AOPEP: variants seen among roughly 807,000 people sequenced by gnomAD.
AOPEP encodes aminopeptidase O (putative), also known as aminopeptidase O.
In AOPEP, 77 loss-of-function variants were observed where a neutral mutation model predicts 98.1. That is an observed-to-expected ratio of 0.78 (90% CI 0.65 to 0.95). The LOEUF is 0.95. Ranked by LOEUF, AOPEP falls within the 40% of genes least tolerant of loss-of-function variation. The probability of loss-of-function intolerance (pLI) is 0.00; values close to 1 mark genes in which losing one functional copy is unlikely to be tolerated. For synonymous variants in AOPEP, 346 were observed against 365.3 expected (o/e 0.95, Z 0.60); for missense variants, 1,024 against 1,024.7 (o/e 1.00, Z 0.01).
chr9:94,894,828 G>A (rs2049285879), intron 5 of AOPEP, among the ~76,000 whole-genome samples: 1 of 152,006 alleles, frequency 6.6e-6, no homozygotes, highest in African/African-American at 2.4e-5. Flanking sequence ...CATATCAAAA[G>A]CATGATAAAC....
At chr9:94,916,056 G>A (rs1333782425) in intron 5 of AOPEP, among the ~76,000 whole-genome samples, 1 of 152,212 alleles carries the variant, frequency 6.6e-6, no homozygotes, top group East Asian at 1.9e-4. Flanking sequence ...ACTTGTGCTC[G>A]CTGTGAAAAC....
intron 5 of AOPEP, among the ~76,000 whole-genome samples, chr9:94,901,297 C>T (rs1476615493): frequency 6.6e-6 from 1 of 152,110 alleles, no homozygotes; most frequent in Non-Finnish European, 1.5e-5. Flanking sequence ...ATTGCTTCTT[C>T]CTCTGAGCCC....
intron 1 of AOPEP, among the ~76,000 whole-genome samples, chr9:94,758,959 CAAG>C (rs1837651685): frequency 6.6e-6 from 1 of 151,360 alleles, no homozygotes; most frequent in Non-Finnish European, 1.5e-5. Flanking sequence ...TTGTTTGCCA[CAAG>C]AAGGCTATTA....
At chr9:94,871,410 A>G (rs1317650678) in intron 5 of AOPEP, among the ~76,000 whole-genome samples, 3 of 152,176 alleles carry the variant, frequency 2.0e-5, no homozygotes, top group Non-Finnish European at 2.9e-5. Flanking sequence ...GGCTGATTTT[A>G]ATCTTCTTGG....
At chr9:95,045,045 C>T (rs1407024882) in intron 13 of AOPEP, among the ~76,000 whole-genome samples, 1 of 152,186 alleles carries the variant, frequency 6.6e-6, no homozygotes, top group Non-Finnish European at 1.5e-5. Flanking sequence ...CCAGAAAGGG[C>T]GCGCCAAGGA....
Position 94,932,817 on chromosome 9 carries a change from C to G in AOPEP, c.1661+4286C>G, listed in dbSNP as rs2055580978. 6 of 985,226 alleles carry G rather than the reference C, an allele frequency of 6.1e-6. No homozygotes were observed. In the South Asian group the frequency reaches 2.8e-4, roughly 46 times the overall value. The allele number at this position is 985,226 out of a possible 1,614,324, so 61.0% of individuals were successfully genotyped here. ...TCTTAGATTGACTTTGCTGTGTTTC[C>G]TTTGTATCCGATGTGTCTGAGATTG... On this transcript the variant is annotated intron_variant, in intron 7 of 16. Transcript: ENST00000375315.
the AOPEP span, chr9:95,150,093 G>A: frequency 5.6e-6 from 9 of 1,613,934 alleles, no homozygotes; most frequent in East Asian, 2.0e-4. Context: ...CCATTCTATG[G>A]AAGAAATAAG....
At chr9:94,998,673 G>A (rs767761549) in intron 11 of AOPEP, among the ~76,000 whole-genome samples, 63 of 152,210 alleles carry the variant, frequency 4.1e-4, no homozygotes, top group Admixed American at 5.2e-4. Context: ...ATACCTTGCT[G>A]TATTACTGCG....
intron 13 of AOPEP, among the ~76,000 whole-genome samples, chr9:95,021,019 G>T (rs1228839878): frequency 1.3e-5 from 2 of 151,236 alleles, no homozygotes; most frequent in Non-Finnish European, 2.9e-5. Flanking sequence ...TCACCAGTCT[G>T]TGCTGGTATT....
the AOPEP span, among the ~76,000 whole-genome samples, chr9:95,140,556 C>CT: frequency 6.6e-6 from 1 of 152,266 alleles, no homozygotes; most frequent in East Asian, 1.9e-4. Flanking sequence ...GGAGGCCCAT[C>CT]TGAGAGGTTG....
At chr9:95,123,464 AC>A in the AOPEP span, 2 of 461,388 alleles carry the variant, frequency 4.3e-6, no homozygotes, top group Admixed American at 2.3e-5. Context: ...ACATGGTGAA[AC>A]CCCATCTCTA....
intron 9 of AOPEP, among the ~76,000 whole-genome samples, chr9:94,959,074 C>T (rs564002212): frequency 3.4e-4 from 50 of 147,404 alleles, no homozygotes; most frequent in African/African-American, 1.3e-3. Flanking sequence ...AATGGAGTCT[C>T]GCTCTGTCAC....
In AOPEP at chr9:94,836,934, T is replaced by A. The variant is rs188357892; in HGVS notation, c.1364+35932T>A. On this transcript the variant is annotated intron_variant, in intron 5 of 16. Transcript: ENST00000375315. ...TGCCTATGCTTGTCTAATTATTTTTTAAAAAAATTTTTTATGAATTTTAAA... is the reference window on the plus strand; with the variant it reads ...TGCCTATGCTTGTCTAATTATTTTTAAAAAAAATTTTTTATGAATTTTAAA... Among the ~76,000 whole-genome samples the A allele has an allele frequency of 6.4e-3, 980 of 152,206 alleles. 9 individuals carry two copies. The highest frequency in any genetic ancestry group is 0.022 in the African/African-American group (930 of 41,550).
At chr9:94,825,335 G>T (rs1281080802) in intron 5 of AOPEP, among the ~76,000 whole-genome samples, 3 of 152,202 alleles carry the variant, frequency 2.0e-5, no homozygotes, top group Non-Finnish European at 2.9e-5. Context: ...CGAAGGCTGG[G>T]CCCTTCTCTC....
rs1202264689 is a variant in AOPEP, at chr9:94,927,879, C to T, written c.1555-546C>T. On this transcript the variant is annotated intron_variant, in intron 6 of 16. Transcript: ENST00000375315. ...GTGGCCCAGTGAGCACACCATGGGA[C>T]GGCAGCTGGTTCTGACTCAGTAGGG... Among the ~76,000 whole-genome samples, 6 of 152,220 alleles carry T rather than the reference C, an allele frequency of 3.9e-5. 1 individual carries two copies. Among genetic ancestry groups the T allele is most frequent in the South Asian group, 4.1e-4 (2 of 4,838 alleles).
chr9:94,910,071 A>G (rs1315141543), intron 5 of AOPEP, among the ~76,000 whole-genome samples: 5 of 152,194 alleles, frequency 3.3e-5, no homozygotes, highest in Non-Finnish European at 7.3e-5. Flanking sequence ...AGCCAGAGCT[A>G]TGCAGGCGTT....
At chr9:94,952,661 A>C (rs2058184960) in intron 7 of AOPEP, among the ~76,000 whole-genome samples, 1 of 152,184 alleles carries the variant, frequency 6.6e-6, no homozygotes, top group Non-Finnish European at 1.5e-5. Flanking sequence ...CATTGTGAGA[A>C]CCAGAGTAGC....
At chr9:95,005,745 A>T in intron 13 of AOPEP, 129 bp downstream of exon 13, 1 of 703,544 alleles carries the variant, frequency 1.4e-6, no homozygotes, top group Non-Finnish European at 2.5e-6. Flanking sequence ...CATAGATTTA[A>T]TATATGGGGA....
At chr9:95,088,383 AT>A (rs1350430945), downstream of AOPEP, among the ~76,000 whole-genome samples, 1 of 151,842 alleles carries the variant, frequency 6.6e-6, no homozygotes, top group African/African-American at 2.4e-5. Flanking sequence ...CTAATTTTGT[AT>A]TTTTAGTGGA....
Sources: allele counts gnomAD v4.1 joint callset (sites outside exome capture counted in the v4.1 genomes callset), GRCh38; gene constraint gnomAD v4.1.1; transcripts MANE v1.5; gene names NCBI Gene and HGNC (gene_info 2026-07-23, HGNC 2026-07-21).